Variants in PLAGL1 observed in about 807,000 individuals in gnomAD.
PLAGL1 encodes zinc finger protein PLAGL1.
A neutral mutation model predicts 4.6 loss-of-function variants in PLAGL1; 1 was observed. The observed-to-expected ratio is 0.22, with a 90% CI of 0.08 to 1.03. The LOEUF is 1.03. PLAGL1 is among the 50% of genes least tolerant of loss of function. The probability of loss-of-function intolerance (pLI) is 0.58; values close to 1 mark genes in which losing one functional copy is unlikely to be tolerated. For synonymous variants in PLAGL1, 240 were observed against 237.8 expected, an observed-to-expected ratio of 1.01 and a Z score of -0.08; for missense variants, 464 against 570.4, an observed-to-expected ratio of 0.81 and a Z score of 1.90.
Position 143,994,943 on chromosome 6 carries a change from GAT to G in PLAGL1, c.-583-9771_-583-9770del, listed in dbSNP as rs1266419106. 6.6e-6 allele frequency among the ~76,000 whole-genome samples: 1 copy of G among 152,134 alleles called. No individual in the cohort carries two copies. Among genetic ancestry groups the G allele is most frequent in the Admixed American group, 6.5e-5 (1 of 15,276 alleles). ...ATTGGACTATGTCACATCTCTCAGT[GAT>G]GCCTCTATCTTGTCATCATCTAATG... On this transcript the variant is annotated intron_variant, in intron 1 of 7. Transcript: ENST00000674357. This position sits in a 1 kb window ranked among gnomAD's most constrained non-coding sequence, Gnocchi z 4.3.
Position 143,942,613 on chromosome 6 carries a change from TCACAGTGAGCA to T in PLAGL1, c.192_202del (p.Cys64Ter). On this transcript the variant is annotated stop_gained and frameshift_variant, in exon 8 of 8. Transcript: ENST00000674357. LOFTEE classifies it low-confidence loss of function (END_TRUNC). The surrounding 1 kb of genome is among the most constrained non-coding windows in gnomAD (Gnocchi z 7.6). ...GTGGTCTTTCCGGTTGAACGTCTTC[TCACAGTGAGCA>T]CACTGGTGAGATTTCTGGGGAGAAT... 6.2e-7 allele frequency: 1 copy of T among 1,614,072 alleles called. No homozygotes were observed. The highest frequency in any genetic ancestry group is 8.5e-7 in the Non-Finnish European group (1 of 1,179,986).
Position 144,045,120 on chromosome 6 carries a change from GTCTTGAC to G in PLAGL1, c.-151+19341_-151+19347del, listed in dbSNP as rs1273374947. ...TCTCCTGAATACAGCACTCTGATGG[GTCTTGAC>G]TCTTTATCCAATTTGCCAGTCTGTG... On this transcript the variant is annotated intron_variant, in intron 1 of 3. Coordinates refer to the PLAGL1 transcript ENST00000437412. 3.3e-5 allele frequency among the ~76,000 whole-genome samples: 5 copies of G among 150,296 alleles called. No homozygotes were observed. The Admixed American group carries it at 3.3e-4, about 10-fold the overall frequency.
At chr6:144,052,735 G>GA (rs927648957) in intron 1 of PLAGL1, among the ~76,000 whole-genome samples, 18 of 150,338 alleles carry the variant, frequency 1.2e-4, no homozygotes, top group East Asian at 7.8e-4. Flanking sequence ...ACCAAAAAAA[G>GA]AAAAAAAAAT....
intron 1 of PLAGL1, among the ~76,000 whole-genome samples, chr6:143,986,906 G>A (rs1789298390): frequency 6.6e-6 from 1 of 152,124 alleles, no homozygotes; most frequent in African/African-American, 2.4e-5. Flanking sequence ...GCCAGGGGAG[G>A]AGAATGCATT....
Position 144,000,626 on chromosome 6 carries a change from C to A in PLAGL1, c.-584+7464G>T, listed in dbSNP as rs1041243009. On this transcript the variant is annotated intron_variant, in intron 1 of 7. Coordinates refer to ENST00000674357, the MANE Select transcript of PLAGL1 (RefSeq NM_001317162.2). The surrounding 1 kb of genome is among the most constrained non-coding windows in gnomAD (Gnocchi z 4.1). ...CATTTCTATAAAAATCCCAACAGGA[C>A]TTTTCAAGAAACTTCATAAACAGGT... Among the ~76,000 whole-genome samples, 2 of 152,068 alleles carry A rather than the reference C, an allele frequency of 1.3e-5. No homozygotes were observed. Among genetic ancestry groups the A allele is most frequent in the African/African-American group, 4.8e-5 (2 of 41,422 alleles).
At chr6:144,009,689 C>A (rs1795002689), upstream of PLAGL1, among the ~76,000 whole-genome samples, 1 of 146,240 alleles carries the variant, frequency 6.8e-6, no homozygotes, top group Non-Finnish European at 1.5e-5. Flanking sequence ...CCCCAACAGG[C>A]CCCAGTGTGT....
chr6:143,974,072 T>C (rs1200594519), intron 2 of PLAGL1, among the ~76,000 whole-genome samples: 2 of 152,186 alleles, frequency 1.3e-5, no homozygotes, highest in African/African-American at 2.4e-5. Context: ...CAAGAGGGAC[T>C]ATGAAAGAAA....
chr6:143,961,802 T>C lies in PLAGL1; in HGVS notation c.-398-1260A>G, dbSNP rs778263789. 1.1e-4 allele frequency among the ~76,000 whole-genome samples: 17 copies of C among 152,186 alleles called. No individual in the cohort carries two copies. The highest frequency in any genetic ancestry group is 2.1e-4 in the Non-Finnish European group (14 of 68,036). On this transcript the variant is annotated intron_variant, in intron 5 of 7. Coordinates refer to ENST00000674357, the MANE Select transcript of PLAGL1 (RefSeq NM_001317162.2). The surrounding 1 kb of genome is among the most constrained non-coding windows in gnomAD (Gnocchi z 6.5). ...TAAAATTCTTCCGGATGATTCTTCC[T>C]TTGCACCTACCCATCTCACAAACGG...
Position 144,016,294 on chromosome 6 carries a change from T to C in PLAGL1, c.-150-47316A>G, listed in dbSNP as rs375975363. 7.9e-5 allele frequency among the ~76,000 whole-genome samples: 12 copies of C among 152,306 alleles called. No homozygotes were observed. The East Asian group carries it at 2.1e-3, about 27-fold the overall frequency. ...AAGCATCCAGCATGGGAGAAAGATG[T>C]AGGCTGGGAGGCTAGGCCAGTCTCT... On this transcript the variant is annotated intron_variant, in intron 1 of 3. Coordinates refer to the PLAGL1 transcript ENST00000437412. This position sits in a 1 kb window ranked among gnomAD's most constrained non-coding sequence, Gnocchi z 4.2.
At position 143,973,237 on chromosome 6, in the gene PLAGL1, G is replaced by T. The variant is rs1222623773; in HGVS notation, c.-543-4259C>A. ...TCCCAGGGAGCAGCTGCAACAAAGA[G>T]ATCAAAGGCCCACCTCTCTTTCCCT... On this transcript the variant is annotated intron_variant, in intron 2 of 7. Coordinates refer to ENST00000674357, the MANE Select transcript of PLAGL1 (RefSeq NM_001317162.2). The surrounding 1 kb of genome is among the most constrained non-coding windows in gnomAD (Gnocchi z 6.2). 6.6e-6 allele frequency among the ~76,000 whole-genome samples: 1 copy of T among 152,110 alleles called. No individual in the cohort carries two copies. Among genetic ancestry groups the T allele is most frequent in the Non-Finnish European group, 1.5e-5 (1 of 68,020 alleles).
At chr6:144,037,613 C>T (rs945045996) in intron 1 of PLAGL1, 4 of 151,930 alleles carry the variant, frequency 2.6e-5, no homozygotes, top group Non-Finnish European at 5.9e-5. Context: ...AAAAACAAAG[C>T]AGTTTTAGAA....
Position 143,958,686 on chromosome 6 carries a change from C to G in PLAGL1, c.-325+1783G>C, listed in dbSNP as rs1274329863. 6.6e-6 allele frequency among the ~76,000 whole-genome samples: 1 copy of G among 152,218 alleles called. No homozygotes were observed. The highest frequency in any genetic ancestry group is 1.9e-4 in the East Asian group (1 of 5,204). The stretch of plus-strand genomic sequence containing the variant: ...ATTTGAGAAATAAAAATATTTATCA[C>G]TGGTCCTTTAAGATTATCCTGATTC... On this transcript the variant is annotated intron_variant, in intron 6 of 7. Transcript: ENST00000674357. This position sits in a 1 kb window ranked among gnomAD's most constrained non-coding sequence, Gnocchi z 5.1.
At position 143,968,226 on chromosome 6, in the gene PLAGL1, C is replaced by A. The variant is rs1038973744; in HGVS notation, c.-472+681G>T. ...CAGTTCAAACAAATCCTAATCTTTA[C>A]ATGAGTGATAGAAAATAAGAAATAA... On this transcript the variant is annotated intron_variant, in intron 3 of 7. Transcript: ENST00000674357. This position sits in a 1 kb window ranked among gnomAD's most constrained non-coding sequence, Gnocchi z 6.3. 10 of 152,148 alleles carry A rather than the reference C, an allele frequency of 6.6e-5. No individual in the cohort carries two copies. Among genetic ancestry groups the A allele is most frequent in the Admixed American group, 6.5e-4 (10 of 15,270 alleles). The allele number at this position is 152,148 out of a possible 1,614,324, so 9.4% of individuals were successfully genotyped here. A position where few individuals can be genotyped will look rare whatever the true frequency, so the allele number is the denominator to read the frequency against.
intron 1 of PLAGL1, among the ~76,000 whole-genome samples, chr6:144,058,429 C>A (rs1258253041): frequency 3.9e-5 from 6 of 152,142 alleles, no homozygotes; most frequent in African/African-American, 1.4e-4. Context: ...AATTTTCAAA[C>A]CACATCATTC....
upstream of PLAGL1, among the ~76,000 whole-genome samples, chr6:144,013,129 T>C (rs1433898772): frequency 6.6e-6 from 1 of 152,182 alleles, no homozygotes; most frequent in Non-Finnish European, 1.5e-5. This position sits in a 1 kb window ranked among gnomAD's most constrained non-coding sequence, Gnocchi z 4.4. Flanking sequence ...TTTCTCTAAG[T>C]ATTTGGAGAT....
In PLAGL1 at chr6:143,962,621, C is replaced by T. The variant is rs894753691; in HGVS notation, c.-398-2079G>A. Among the ~76,000 whole-genome samples, 1 of 152,236 alleles carries T rather than the reference C, an allele frequency of 6.6e-6. No homozygotes were observed. Among genetic ancestry groups the T allele is most frequent in the Non-Finnish European group, 1.5e-5 (1 of 68,034 alleles). On this transcript the variant is annotated intron_variant, in intron 5 of 7. Coordinates refer to ENST00000674357, the MANE Select transcript of PLAGL1 (RefSeq NM_001317162.2). This position sits in a 1 kb window ranked among gnomAD's most constrained non-coding sequence, Gnocchi z 5.3. ...AATATGTTTTTCTAGGCATTTGCTTCTGAGAACAGCATTTAAGAACCCGTC... is the reference window on the plus strand; with the variant it reads ...AATATGTTTTTCTAGGCATTTGCTTTTGAGAACAGCATTTAAGAACCCGTC...
Position 143,954,056 on chromosome 6 carries a change from A to C in PLAGL1, c.-324-5596T>G, listed in dbSNP as rs1250306474. On this transcript the variant is annotated intron_variant, in intron 6 of 7. Transcript: ENST00000674357. This position sits in a 1 kb window ranked among gnomAD's most constrained non-coding sequence, Gnocchi z 5.1. ...CTCTCTCAGGGCAGGAGGATGGAGGAGTCTTCCCTGGGAAGCTGACCAGCC... is the reference window on the plus strand; with the variant it reads ...CTCTCTCAGGGCAGGAGGATGGAGGCGTCTTCCCTGGGAAGCTGACCAGCC... Among the ~76,000 whole-genome samples, 3 of 152,152 alleles carry C rather than the reference A, an allele frequency of 2.0e-5. No homozygotes were observed. The highest frequency in any genetic ancestry group is 2.1e-4 in the South Asian group (1 of 4,834).
rs1462205498 is a variant in PLAGL1 at position 143,978,245 on chromosome 6, T to G, written c.-544+6890A>C. Among the ~76,000 whole-genome samples, 1 of 152,192 alleles carries G rather than the reference T, an allele frequency of 6.6e-6. No homozygotes were observed. Among genetic ancestry groups the G allele is most frequent in the African/African-American group, 2.4e-5 (1 of 41,460 alleles). On this transcript the variant is annotated intron_variant, in intron 2 of 7. Coordinates refer to ENST00000674357, the MANE Select transcript of PLAGL1 (RefSeq NM_001317162.2). This position sits in a 1 kb window ranked among gnomAD's most constrained non-coding sequence, Gnocchi z 4.6. ...CAGGTTTAATTTGTTTCTCTTTTTC[T>G]AGTTTCCAAAGGTGGAAACTGAGGT... is the stretch of plus-strand genomic sequence containing the variant.
chr6:143,978,447 G>A lies in PLAGL1; in HGVS notation c.-544+6688C>T, dbSNP rs924490485. Among the ~76,000 whole-genome samples, 2 of 152,060 alleles carry A rather than the reference G, an allele frequency of 1.3e-5. No individual in the cohort carries two copies. The highest frequency in any genetic ancestry group is 4.8e-5 in the African/African-American group (2 of 41,416). ...TCCATGGGTTATTTAGAAGCATACT[G>A]TTTAATTTCCAAATATTTGGAAAAT... is the stretch of plus-strand genomic sequence containing the variant. On this transcript the variant is annotated intron_variant, in intron 2 of 7. Coordinates refer to ENST00000674357, the MANE Select transcript of PLAGL1 (RefSeq NM_001317162.2). The surrounding 1 kb of genome is among the most constrained non-coding windows in gnomAD (Gnocchi z 4.6).
Sources: allele counts gnomAD v4.1 joint callset (sites outside exome capture counted in the v4.1 genomes callset), GRCh38; gene constraint gnomAD v4.1.1; non-coding constraint Gnocchi (gnomAD v3.1); transcripts MANE v1.5; gene names NCBI Gene and HGNC (gene_info 2026-07-23, HGNC 2026-07-21).